Variants in FAM124A observed in about 807,000 individuals in gnomAD.
FAM124A encodes family with sequence similarity 124 member A, also known as protein FAM124A.
A neutral mutation model predicts 24.5 loss-of-function variants in FAM124A; 23 were observed. The ratio of observed to expected loss-of-function variants is 0.94; its 90% confidence interval spans 0.68 to 1.33. FAM124A has a LOEUF of 1.33. Ranked by LOEUF, FAM124A falls within the 40% of genes most tolerant of loss-of-function variation. FAM124A has a pLI of 0.00. For synonymous variants in FAM124A, 287 were observed against 314.7 expected (o/e 0.91, Z 0.93); for missense variants, 623 against 722.8 (o/e 0.86, Z 1.58).
intron 3 of FAM124A, among the ~76,000 whole-genome samples, chr13:51,279,008 A>G (rs1456713754): frequency 6.6e-6 from 1 of 152,188 alleles, no homozygotes; most frequent in East Asian, 1.9e-4. Context: ...CACCAAGTGC[A>G]TGTTCTCAAA....
Position 51,280,705 on chromosome 13 carries a change from T to C in FAM124A, c.1090T>C (p.Phe364Leu). The change falls in exon 4 of 4, where the codon TTT (phenylalanine) becomes CTT (leucine). Residue 364 changes from phenylalanine to leucine, a missense_variant. By Grantham distance (22) the Phe-to-Leu change is conservative. Coordinates refer to ENST00000322475, the MANE Select transcript of FAM124A (RefSeq NM_001242312.2). ...PWSFQRSKSL[F>L]CLPTGGPSLA... Reference sequence around the variant, plus strand: ...GTCTTTCCAGAGAAGCAAGTCCTTGTTTTGTTTGCCCACGGGAGGCCCCTC... The same window carrying C: ...GTCTTTCCAGAGAAGCAAGTCCTTGCTTTGTTTGCCCACGGGAGGCCCCTC... The C allele has an allele frequency of 1.9e-6, 3 of 1,614,058 alleles. No individual in the cohort carries two copies. The highest frequency in any genetic ancestry group is 2.5e-6 in the Non-Finnish European group (3 of 1,180,012).
Position 51,252,192 on chromosome 13 carries a change from C to A in FAM124A, c.825C>A (p.Ile275=), listed in dbSNP as rs1340071583. ...CGGAGGACCATGATGGGAACAAGAT[C>A]CTCCTACAGGTACTGGGGGGACGCC... The part of the protein sequence containing the change: ...WQTEDHDGNK[I]LLQAQRVHKK... Residue 275 remains isoleucine, a synonymous_variant, in exon 3 of 4, where the codon ATC becomes ATA. Coordinates refer to ENST00000322475, the MANE Select transcript of FAM124A (RefSeq NM_001242312.2). 2.5e-6 allele frequency: 4 copies of A among 1,612,812 alleles called. No homozygotes were observed. The highest frequency in any genetic ancestry group is 3.4e-6 in the Non-Finnish European group (4 of 1,179,906).
chr13:51,224,458 C>A (rs1954296927), intron 1 of FAM124A, among the ~76,000 whole-genome samples: 1 of 145,114 alleles, frequency 6.9e-6, no homozygotes, highest in South Asian at 2.2e-4. Context: ...GCAACAAGAG[C>A]AAAACTCCAT....
intron 3 of FAM124A, among the ~76,000 whole-genome samples, chr13:51,279,700 A>G (rs547627565): frequency 1.3e-5 from 2 of 152,314 alleles, no homozygotes; most frequent in African/African-American, 4.8e-5. Flanking sequence ...ATAGGCTGGG[A>G]TATGACAGGG....
Position 51,276,871 on chromosome 13 carries a change from A to T in FAM124A, c.835-3579A>T, listed in dbSNP as rs186662558. Among the ~76,000 whole-genome samples, 544 of 152,302 alleles carry T rather than the reference A, an allele frequency of 3.6e-3. 2 individuals are homozygous for T. The highest frequency in any genetic ancestry group is 5.7e-3 in the Non-Finnish European group (390 of 68,016). ...TTCTGCCAAGGAAAACACAAGAGGAAATGATCTTACTGGGAAAGAGGAGGT... is the reference window on the plus strand; with the variant it reads ...TTCTGCCAAGGAAAACACAAGAGGATATGATCTTACTGGGAAAGAGGAGGT... On this transcript the variant is annotated intron_variant, in intron 3 of 3. Transcript: ENST00000322475.
chr13:51,237,412 C>T (rs190151944), intron 2 of FAM124A, among the ~76,000 whole-genome samples: 94 of 152,306 alleles, frequency 6.2e-4, no homozygotes, highest in Non-Finnish European at 1.2e-3. Flanking sequence ...GCCAACGAAC[C>T]CCAAATAAGA....
chr13:51,236,651 C>T (rs1954438232), intron 2 of FAM124A, among the ~76,000 whole-genome samples: 1 of 152,206 alleles, frequency 6.6e-6, no homozygotes, highest in Non-Finnish European at 1.5e-5. Context: ...TTTCCATATG[C>T]AAGAGCTAAA....
At chr13:51,236,187 C>T (rs1390732899) in intron 2 of FAM124A, among the ~76,000 whole-genome samples, 4 of 152,118 alleles carry the variant, frequency 2.6e-5, no homozygotes, top group African/African-American at 9.7e-5. Flanking sequence ...GAAAAGGGGT[C>T]AGGTGGATCA....
intron 2 of FAM124A, among the ~76,000 whole-genome samples, chr13:51,249,181 G>C (rs1425850095): frequency 1.3e-5 from 2 of 152,180 alleles, no homozygotes; most frequent in Non-Finnish European, 2.9e-5. Flanking sequence ...ATGAGCAAGA[G>C]GATGTGTTCT....
rs1475714905 is a variant in FAM124A at position 51,283,653 on chromosome 13, AT to A, written c.*2398del. On this transcript the variant is annotated 3_prime_UTR_variant, in exon 4 of 4. Transcript: ENST00000322475. ...AGAAATGTGATTCAGTCAATAGCTG[AT>A]GAGGAAAAGCAACCTGCAAACATTA... 6.7e-6 allele frequency: 1 copy of A among 149,952 alleles called. No homozygotes were observed. Among genetic ancestry groups the A allele is most frequent in the East Asian group, 2.0e-4 (1 of 4,966 alleles). The allele number at this position is 149,952 out of a possible 1,614,324, so 9.3% of individuals were successfully genotyped here. A position where few individuals can be genotyped will look rare whatever the true frequency, so the allele number is the denominator to read the frequency against.
At chr13:51,260,813 C>G (rs181361482) in intron 3 of FAM124A, among the ~76,000 whole-genome samples, 1 of 152,210 alleles carries the variant, frequency 6.6e-6, no homozygotes, top group Non-Finnish European at 1.5e-5. Context: ...ACTCCACCTC[C>G]GGAGGGTCTG....
intron 2 of FAM124A, among the ~76,000 whole-genome samples, chr13:51,232,601 G>C (rs1424995710): frequency 1.3e-5 from 2 of 152,298 alleles, no homozygotes; most frequent in Admixed American, 1.3e-4. Context: ...TCAGCCAACT[G>C]GAGACCAAAT....
At chr13:51,223,797 C>T (rs1954287986) in intron 1 of FAM124A, among the ~76,000 whole-genome samples, 1 of 151,222 alleles carries the variant, frequency 6.6e-6, no homozygotes, top group African/African-American at 2.4e-5. Context: ...CTTCTTCCCA[C>T]TCTTTGTGTA....
chr13:51,237,683 AT>A (rs1366367276), intron 2 of FAM124A, among the ~76,000 whole-genome samples: 3 of 152,194 alleles, frequency 2.0e-5, no homozygotes, highest in Non-Finnish European at 4.4e-5. Flanking sequence ...GATCAATCTG[AT>A]TTCCTTATCC....
intron 3 of FAM124A, among the ~76,000 whole-genome samples, chr13:51,264,861 G>A (rs963687): frequency 0.99 from 151,293 of 152,324 alleles, 75,136 homozygotes; most frequent in Middle Eastern, 1. Flanking sequence ...GACATTGTGT[G>A]TATATCATCT....
chr13:51,228,208 TA>T (rs1211129228), intron 1 of FAM124A, among the ~76,000 whole-genome samples: 1 of 151,642 alleles, frequency 6.6e-6, no homozygotes, highest in Non-Finnish European at 1.5e-5. Context: ...ATATGTAGTA[TA>T]TATATATATG....
intron 2 of FAM124A, among the ~76,000 whole-genome samples, chr13:51,237,090 AT>A (rs1376784225): frequency 1.3e-5 from 2 of 152,162 alleles, no homozygotes. Flanking sequence ...CTGCAGTAAA[AT>A]TGTCATAAAG....
At chr13:51,241,741 CAAA>C (rs35118963) in intron 2 of FAM124A, among the ~76,000 whole-genome samples, 29 of 149,382 alleles carry the variant, frequency 1.9e-4, no homozygotes, top group Middle Eastern at 3.5e-3. Context: ...AATTTTAGGC[CAAA>C]AAAAAAAAAA....
chr13:51,256,237 A>C (rs1954672991), intron 3 of FAM124A, among the ~76,000 whole-genome samples: 1 of 152,224 alleles, frequency 6.6e-6, no homozygotes. Flanking sequence ...CTGTACTTTT[A>C]GGCTGGAAAA....
Sources: gnomAD v4.1 joint callset for allele counts (sites outside exome capture counted in the v4.1 genomes callset) on GRCh38, gnomAD v4.1.1 for gene constraint, MANE v1.5 for transcripts, NCBI Gene and HGNC (gene_info 2026-07-23, HGNC 2026-07-21) for gene names.